The following ABCD3 variants were observed in gnomAD, a reference collection of about 807,000 sequenced individuals.
The protein encoded by ABCD3 is ATP binding cassette subfamily D member 3.
In ABCD3, 41 loss-of-function variants were observed where a neutral mutation model predicts 105.5. The ratio of observed to expected loss-of-function variants is 0.39; its 90% confidence interval spans 0.30 to 0.50. The LOEUF is 0.50. Ranked by LOEUF, ABCD3 falls within the 20% of genes least tolerant of loss-of-function variation. The probability of loss-of-function intolerance (pLI) is 0.84; values close to 1 mark genes in which losing one functional copy is unlikely to be tolerated. For missense variants in ABCD3, 622 were observed against 806.3 expected, an observed-to-expected ratio of 0.77 and a Z score of 2.77; for synonymous variants, 258 against 269.0, an observed-to-expected ratio of 0.96 and a Z score of 0.40.
At chr1:94,423,983 G>A (rs1420034862) in intron 1 of ABCD3, among the ~76,000 whole-genome samples, 1 of 152,186 alleles carries the variant, frequency 6.6e-6, no homozygotes, top group Non-Finnish European at 1.5e-5. Context: ...AATCATGTGA[G>A]GGGCTAGAGC....
intron 1 of ABCD3, chr1:94,419,247 G>C (rs935220528): frequency 2.0e-6 from 2 of 980,860 alleles, no homozygotes; most frequent in South Asian, 9.4e-5. Flanking sequence ...CGGAAAGGCT[G>C]GATCGGTTCT....
At chr1:94,428,810 G>A (rs1659568536) in intron 1 of ABCD3, among the ~76,000 whole-genome samples, 1 of 152,082 alleles carries the variant, frequency 6.6e-6, no homozygotes, top group African/African-American at 2.4e-5. Flanking sequence ...TTATCAGCAG[G>A]ATGAAAACAG....
At position 94,508,134 on chromosome 1, in the gene ABCD3, T is replaced by G. The variant is rs1432264630; in HGVS notation, c.1845+1492T>G. On this transcript the variant is annotated intron_variant, in intron 21 of 22. Coordinates refer to ENST00000370214, the MANE Select transcript of ABCD3 (RefSeq NM_002858.4). ...GTTTTTATGGTTTTAGGTCTAACGTTTAAGTCTTTAATCCATCTTGAATTG... is the reference window on the plus strand; with the variant it reads ...GTTTTTATGGTTTTAGGTCTAACGTGTAAGTCTTTAATCCATCTTGAATTG... 2.6e-5 allele frequency among the ~76,000 whole-genome samples: 4 copies of G among 152,260 alleles called. No homozygotes were observed. In the East Asian group the frequency reaches 7.7e-4, roughly 29 times the overall value.
chr1:94,473,998 T>C (rs1284275435), intron 5 of ABCD3, among the ~76,000 whole-genome samples, 163 bp downstream of exon 5: 1 of 146,238 alleles, frequency 6.8e-6, no homozygotes, highest in African/African-American at 2.6e-5. Flanking sequence ...TAAACCTTCA[T>C]ACTAGATAAA....
In ABCD3 at chr1:94,475,618, T is replaced by C. The variant is rs746935528; in HGVS notation, c.508T>C (p.Phe170Leu). The change falls in exon 7 of 23, where the codon TTC becomes CTC. Residue 170 changes from phenylalanine to leucine, a missense_variant. Phe to Leu is a conservative substitution (Grantham distance 22). Around this residue, in one of 4 missense-constraint regions of ABCD3, gnomAD observed 245 missense variants for 356.4 expected, o/e 0.69. Transcript: ENST00000370214. ...KYLYEEYLQA[F>L]TYYKMGNLDN... is the part of the protein sequence containing the mutation. ...CTTTTCTTCTTGCTATTTTAGAGCT[T>C]TCACATATTATAAAATGGGGAATCT... 1.9e-6 allele frequency: 3 copies of C among 1,611,534 alleles called. No homozygotes were observed. The Admixed American group carries it at 5.0e-5, about 27-fold the overall frequency.
Position 94,517,464 on chromosome 1 carries a change from CT to C in ABCD3, c.*339del, listed in dbSNP as rs1206614832. On this transcript the variant is annotated 3_prime_UTR_variant, in exon 23 of 23. Transcript: ENST00000370214. ...AACCATTCGAAGTCAGCTAATTGGA[CT>C]TTTATGGCTCTATCTTTTCCTTCAG... is the stretch of plus-strand genomic sequence containing the variant. 20 of 283,162 alleles carry C rather than the reference CT, an allele frequency of 7.1e-5. No individual in the cohort carries two copies. Among genetic ancestry groups the C allele is most frequent in the Non-Finnish European group, 1.2e-4 (17 of 146,776 alleles). 17.5% of individuals were successfully genotyped at this position (283,162 alleles called of 1,614,324 possible).
intron 1 of ABCD3, among the ~76,000 whole-genome samples, chr1:94,447,499 A>C (rs945999886): frequency 6.6e-6 from 1 of 152,224 alleles, no homozygotes; most frequent in African/African-American, 2.4e-5. Context: ...GCAGTAAACA[A>C]CCTACAGCCT....
At chr1:94,420,452 T>G (rs1659214461) in intron 1 of ABCD3, among the ~76,000 whole-genome samples, 1 of 152,234 alleles carries the variant, frequency 6.6e-6, no homozygotes, top group African/African-American at 2.4e-5. Context: ...AATTTTTTTT[T>G]GAGAAACTTT....
chr1:94,509,347 A>G (rs900620278), intron 21 of ABCD3, among the ~76,000 whole-genome samples: 5 of 152,196 alleles, frequency 3.3e-5, no homozygotes, highest in East Asian at 1.9e-4. Context: ...CCAGTTGATC[A>G]TGGTGGATAA....
At chr1:94,396,944 GA>G in the ABCD3 span, among the ~76,000 whole-genome samples, 1 of 151,732 alleles carries the variant, frequency 6.6e-6, no homozygotes, top group African/African-American at 2.4e-5. Context: ...TGTATTTCAA[GA>G]AAAAAAGTGT....
chr1:94,459,540 T>C (rs1194528590), intron 2 of ABCD3, among the ~76,000 whole-genome samples: 1 of 152,228 alleles, frequency 6.6e-6, no homozygotes, highest in African/African-American at 2.4e-5. Flanking sequence ...TTAAGTGGAA[T>C]TTATGGTAAA....
At chr1:94,417,438 C>A (rs1024685190), upstream of ABCD3, among the ~76,000 whole-genome samples, 1 of 152,210 alleles carries the variant, frequency 6.6e-6, no homozygotes, top group African/African-American at 2.4e-5. Context: ...CTGAAAACAG[C>A]GATTCACTGT....
At chr1:94,423,176 C>T (rs1351006332) in intron 1 of ABCD3, among the ~76,000 whole-genome samples, 1 of 152,168 alleles carries the variant, frequency 6.6e-6, no homozygotes, top group Non-Finnish European at 1.5e-5. Context: ...TCTTGTCATC[C>T]TTGAAGGGTT....
intron 4 of ABCD3, among the ~76,000 whole-genome samples, chr1:94,469,723 C>T (rs551697702): frequency 2.9e-5 from 4 of 136,634 alleles, no homozygotes; most frequent in South Asian, 4.6e-4. Context: ...TGGAGTGCAG[C>T]GGCGCGATCT....
At chr1:94,446,371 C>G (rs550444273) in intron 1 of ABCD3, among the ~76,000 whole-genome samples, 1 of 152,108 alleles carries the variant, frequency 6.6e-6, no homozygotes, top group African/African-American at 2.4e-5. Flanking sequence ...CCCTTGCCAG[C>G]GGGGACAATA....
intron 1 of ABCD3, among the ~76,000 whole-genome samples, chr1:94,425,741 A>C (rs1659443694): frequency 2.0e-5 from 3 of 152,232 alleles, no homozygotes; most frequent in Non-Finnish European, 4.4e-5. Context: ...TACGGATGCA[A>C]AATAGTCTTG....
chr1:94,497,248 C>A (rs1354335495), intron 16 of ABCD3, among the ~76,000 whole-genome samples: 2 of 152,072 alleles, frequency 1.3e-5, no homozygotes, highest in Admixed American at 6.5e-5. Flanking sequence ...AGAATGTAAA[C>A]CAGTAAGGGT....
chr1:94,506,435 T>A, intron 20 of ABCD3, 103 bp from the exon 21 acceptor site: 1 of 706,662 alleles, frequency 1.4e-6, no homozygotes, highest in African/African-American at 1.8e-5. Flanking sequence ...TTTTATACTT[T>A]TGATTTACAA....
the ABCD3 span, among the ~76,000 whole-genome samples, chr1:94,403,072 C>T: frequency 3.7e-4 from 56 of 150,454 alleles, no homozygotes; most frequent in South Asian, 3.2e-3. Context: ...TTTGTTCTTG[C>T]GATAGTTTAC....
Sources: gnomAD v4.1 joint callset for allele counts (sites outside exome capture counted in the v4.1 genomes callset) on GRCh38, gnomAD v4.1.1 for gene constraint, gnomAD v4.1.1 regional missense constraint, MANE v1.5 for transcripts, NCBI Gene and HGNC (gene_info 2026-07-23, HGNC 2026-07-21) for gene names.